The following RHOA variants were observed in gnomAD, a reference collection of about 807,000 sequenced individuals.
RHOA encodes the protein ras homolog family member A.
Under a neutral mutation model 17.5 loss-of-function variants are expected in RHOA, and 3 were observed. That is an observed-to-expected ratio of 0.17 (90% CI 0.08 to 0.44). The LOEUF (loss-of-function observed/expected upper bound fraction) is 0.44, where lower values mean the gene tolerates loss of function less well. Ranked by LOEUF, RHOA falls within the 20% of genes least tolerant of loss-of-function variation. The pLI is 0.99. For missense variants in RHOA, 56 were observed against 242.3 expected (o/e 0.23, Z 5.10); for synonymous variants, 98 against 88.4 (o/e 1.11, Z -0.61).
chr3:49,384,402 C>T (rs1180578347), intron 1 of RHOA, among the ~76,000 whole-genome samples: 1 of 152,148 alleles, frequency 6.6e-6, no homozygotes, highest in African/African-American at 2.4e-5. Flanking sequence ...GGTTTAGTCT[C>T]AGAAATAACT....
At chr3:49,369,578 G>T (rs896428878) in intron 2 of RHOA, among the ~76,000 whole-genome samples, 5 of 150,326 alleles carry the variant, frequency 3.3e-5, no homozygotes, top group African/African-American at 9.8e-5. Context: ...ACTAAAATAC[G>T]AAAGAAATTA....
intron 4 of RHOA, chr3:49,361,132 T>G (rs2047964903): frequency 6.0e-6 from 1 of 167,214 alleles, no homozygotes; most frequent in African/African-American, 2.4e-5. Context: ...ATTTTTAAAC[T>G]GACATATGGT....
intron 2 of RHOA, among the ~76,000 whole-genome samples, chr3:49,370,867 C>T (rs868200303): frequency 1.3e-5 from 2 of 152,280 alleles, no homozygotes; most frequent in South Asian, 4.1e-4. Context: ...ACCTTCACAG[C>T]CCAAATTTCA....
At chr3:49,402,094 ACAGG>A (rs2048732339) in intron 1 of RHOA, among the ~76,000 whole-genome samples, 3 of 152,218 alleles carry the variant, frequency 2.0e-5, no homozygotes, top group Non-Finnish European at 4.4e-5. Context: ...TTGGGGAAAG[ACAGG>A]CAAGGAACAA....
intron 3 of RHOA, among the ~76,000 whole-genome samples, chr3:49,363,322 A>T (rs2048002027): frequency 6.6e-6 from 1 of 152,176 alleles, no homozygotes; most frequent in African/African-American, 2.4e-5. Context: ...CAGGAGGCTG[A>T]GGCAGGAGAA....
At chr3:49,368,189 AG>A (rs2048090192) in intron 3 of RHOA, among the ~76,000 whole-genome samples, 1 of 152,160 alleles carries the variant, frequency 6.6e-6, no homozygotes, top group Non-Finnish European at 1.5e-5. Flanking sequence ...CAGGGATTAT[AG>A]GTGTCAGGCA....
At chr3:49,405,721 GCT>G (rs2048822256) in intron 1 of RHOA, among the ~76,000 whole-genome samples, 1 of 151,918 alleles carries the variant, frequency 6.6e-6, no homozygotes, top group Non-Finnish European at 1.5e-5. Context: ...ACGGAGTTTC[GCT>G]CTGTTGCCCG....
intron 1 of RHOA, 88 bp from the exon 2 acceptor site, chr3:49,375,679 C>T (rs2048214629): frequency 7.2e-7 from 1 of 1,383,088 alleles, no homozygotes; most frequent in Non-Finnish European, 1.0e-6. Context: ...AACCATGGGG[C>T]ATAAACCTCT....
chr3:49,410,354 A>T (rs1296775735), intron 1 of RHOA, among the ~76,000 whole-genome samples: 1 of 152,126 alleles, frequency 6.6e-6, no homozygotes, highest in Non-Finnish European at 1.5e-5. Flanking sequence ...TTCCTCTTAG[A>T]TCTAAAACTC....
chr3:49,411,538 G>A (rs1221614699), intron 1 of RHOA, among the ~76,000 whole-genome samples: 2 of 152,144 alleles, frequency 1.3e-5, no homozygotes, highest in Non-Finnish European at 2.9e-5. Flanking sequence ...CGGGGACCGA[G>A]GGCGGGCAGG....
At chr3:49,372,924 A>T (rs1395867602) in intron 2 of RHOA, among the ~76,000 whole-genome samples, 1 of 152,138 alleles carries the variant, frequency 6.6e-6, no homozygotes, top group Non-Finnish European at 1.5e-5. Context: ...ATGGTCAAAC[A>T]ACTATCAGGA....
At chr3:49,399,603 G>C (rs763616395) in intron 1 of RHOA, among the ~76,000 whole-genome samples, 1 of 150,462 alleles carries the variant, frequency 6.6e-6, no homozygotes, top group African/African-American at 2.4e-5. Flanking sequence ...CCCCAGAAAG[G>C]GTCTTGCTTT....
At chr3:49,360,437 A>C in intron 4 of RHOA, 55 bp from the exon 5 acceptor site, 1 of 1,498,978 alleles carries the variant, frequency 6.7e-7, no homozygotes, top group Non-Finnish European at 9.0e-7. Flanking sequence ...TACATATAGT[A>C]AGTAAAAAGT....
In RHOA at chr3:49,360,385, A is replaced by G. The variant is rs763246562; in HGVS notation, c.409-3T>C. 1 of 1,606,156 alleles carries G rather than the reference A, an allele frequency of 6.2e-7. No homozygotes were observed. On this transcript the variant is annotated splice_polypyrimidine_tract_variant and splice_region_variant and intron_variant, in intron 4 of 4. Transcript: ENST00000418115. Reference sequence around the variant, plus strand: ...CCTTCTTCAGGTTTCACCGGCTCCTAGCAAAGAAAAAAAAATAGTCCTTTT... The same window carrying G: ...CCTTCTTCAGGTTTCACCGGCTCCTGGCAAAGAAAAAAAAATAGTCCTTTT...
chr3:49,389,783 A>C (rs533380150), intron 1 of RHOA, among the ~76,000 whole-genome samples: 3 of 151,652 alleles, frequency 2.0e-5, no homozygotes, highest in East Asian at 2.0e-4. Context: ...CACACACACA[A>C]AAAATTAGCC....
chr3:49,377,115 C>T (rs759539058), intron 1 of RHOA, among the ~76,000 whole-genome samples: 25 of 151,734 alleles, frequency 1.6e-4, no homozygotes, highest in African/African-American at 4.6e-4. Context: ...GCAACAAGAG[C>T]GAAACTCCGT....
chr3:49,362,758 C>G, intron 3 of RHOA, 132 bp from the exon 4 acceptor site: 1 of 721,450 alleles, frequency 1.4e-6, no homozygotes, highest in Non-Finnish European at 2.3e-6. Flanking sequence ...ATGAAACTCA[C>G]TAGTTTCAAA....
chr3:49,405,105 A>C (rs988491905), intron 1 of RHOA, among the ~76,000 whole-genome samples: 8 of 150,696 alleles, frequency 5.3e-5, no homozygotes, highest in African/African-American at 1.2e-4. Context: ...AAAAAAAAAA[A>C]CACCTAGCCG....
intron 1 of RHOA, among the ~76,000 whole-genome samples, chr3:49,382,804 C>T (rs1041719249): frequency 2.0e-5 from 3 of 152,134 alleles, no homozygotes; most frequent in Non-Finnish European, 4.4e-5. Context: ...TTCATGCCTG[C>T]AATCCCAGTA....
Sources: gnomAD v4.1 joint callset for allele counts (sites outside exome capture counted in the v4.1 genomes callset) on GRCh38, gnomAD v4.1.1 for gene constraint, MANE v1.5 for transcripts, NCBI Gene and HGNC (gene_info 2026-07-23, HGNC 2026-07-21) for gene names.